CEACAM1: variants seen among roughly 807,000 people sequenced by gnomAD.
CEACAM1 encodes the protein cell adhesion molecule CEACAM1.
CEACAM1 carries 31 observed loss-of-function variants against 49.1 expected under a neutral mutation model. The ratio of observed to expected loss-of-function variants is 0.63; its 90% CI spans 0.47 to 0.85. The LOEUF is 0.85. Among genes scored for constraint, CEACAM1 ranks in the 40% least tolerant of loss-of-function variants. The probability of loss-of-function intolerance (pLI) is 0.00; values close to 1 mark genes in which losing one functional copy is unlikely to be tolerated. For missense variants in CEACAM1, 570 were observed against 645.3 expected (o/e 0.88, Z 1.26); for synonymous variants, 244 against 247.8 (o/e 0.98, Z 0.14).
chr19:42,516,882 A>AAAAAC, intron 5 of CEACAM1: 1 of 424,420 alleles, frequency 2.4e-6, no homozygotes. Context: ...AGAAAAGCAA[A>AAAAAC]AAAACAAAAC....
intron 5 of CEACAM1, among the ~76,000 whole-genome samples, chr19:42,514,134 CTT>C (rs113780562): frequency 1.2e-4 from 16 of 132,554 alleles, no homozygotes; most frequent in Non-Finnish European, 1.8e-4. Flanking sequence ...TTTTTTCTTT[CTT>C]TTTTTTTTTT....
At position 42,527,365 on chromosome 19, in the gene CEACAM1, C is replaced by T; in HGVS notation, c.100G>A (p.Ala34Thr). 2 of 1,609,782 alleles carry T rather than the reference C, an allele frequency of 1.2e-6. No homozygotes were observed. Among genetic ancestry groups the T allele is most frequent in the Non-Finnish European group, 8.5e-7 (1 of 1,177,502 alleles). ...LLTFWNPPTT[A>T]QLTTESMPFN... ...GGCATGGATTCAGTAGTGAGCTGGG[C>T]AGTGGTGGGCGGGTTCCAGAAGGTT... The change falls in exon 2 of 9, where the codon GCC becomes ACC. Residue 34 changes from alanine to threonine, a missense_variant. Coordinates refer to ENST00000161559, the MANE Select transcript of CEACAM1 (RefSeq NM_001712.5).
At chr19:42,517,423 A>G (rs1025759842) in intron 5 of CEACAM1, among the ~76,000 whole-genome samples, 15 of 152,352 alleles carry the variant, frequency 9.8e-5, no homozygotes, top group Admixed American at 7.8e-4. Context: ...TGAGAATCAT[A>G]TATCTGATAA....
chr19:42,522,745 C>T (rs1191821946), intron 2 of CEACAM1, among the ~76,000 whole-genome samples: 5 of 151,816 alleles, frequency 3.3e-5, no homozygotes, highest in African/African-American at 1.2e-4. Flanking sequence ...GTATTTTAGC[C>T]AGGATGGTCA....
Position 42,521,413 on chromosome 19 carries a change from C to G in CEACAM1, c.812G>C (p.Trp271Ser). 1 of 1,614,164 alleles carries G rather than the reference C, an allele frequency of 6.2e-7. No individual in the cohort carries two copies. Among genetic ancestry groups the G allele is most frequent in the Non-Finnish European group, 8.5e-7 (1 of 1,180,028 alleles). ...AASNPPAQYS[W>S]LINGTFQQST... ...TTGCTGGAATGTTCCATTGATAAGC[C>G]AGGAGTACTGTGCAGGTGGGTTAGA... Residue 271 changes from tryptophan to serine, a missense_variant, in exon 4 of 9, where the codon TGG becomes TCG. Trp to Ser is a radical substitution (Grantham distance 177, BLOSUM62 -3). Coordinates refer to ENST00000161559, the MANE Select transcript of CEACAM1 (RefSeq NM_001712.5).
intron 4 of CEACAM1, 101 bp from the exon 5 acceptor site, chr19:42,519,336 G>C: frequency 8.2e-7 from 1 of 1,213,038 alleles, no homozygotes; most frequent in Non-Finnish European, 1.2e-6. Flanking sequence ...CCAGCTCTCA[G>C]GTCCCACAGT....
At position 42,521,381 on chromosome 19, in the gene CEACAM1, G is replaced by T; in HGVS notation, c.844C>A (p.Gln282Lys). 6 of 1,614,242 alleles carry T rather than the reference G, an allele frequency of 3.7e-6. No individual in the cohort carries two copies. The highest frequency in any genetic ancestry group is 5.1e-6 in the Non-Finnish European group (6 of 1,180,040). ...GTGATGTTAGGGATAAAGAGCTCTT[G>T]TGTGCTTTGCTGGAATGTTCCATTG... Reference protein sequence around the residue: ...LINGTFQQSTQELFIPNITVN... With the variant: ...LINGTFQQSTKELFIPNITVN... The change falls in exon 4 of 9, where the codon CAA (glutamine) becomes AAA (lysine). Residue 282 changes from glutamine (Q) to lysine (K), a missense_variant. Gln to Lys is a moderately conservative substitution (Grantham distance 53). Coordinates refer to ENST00000161559, the MANE Select transcript of CEACAM1 (RefSeq NM_001712.5).
Position 42,528,314 on chromosome 19 carries a change from T to A in CEACAM1, c.61A>T (p.Thr21Ser). The change falls in exon 1 of 9, where the codon ACA becomes TCA. Residue 21 changes from threonine to serine, a missense_variant. Transcript: ENST00000161559. The part of the protein sequence containing the change: ...VRVPWQGLLL[T>S]ASLLTFWNPP... ...TCCCAGGGTGTCCTCCCCTCACCTGTGAGCAGAAGCCCCTGCCAGGGTACA... is the reference window on the plus strand; with the variant it reads ...TCCCAGGGTGTCCTCCCCTCACCTGAGAGCAGAAGCCCCTGCCAGGGTACA... The A allele has an allele frequency of 6.2e-7, 1 of 1,613,620 alleles. No homozygotes were observed.
At position 42,509,033 on chromosome 19, in the gene CEACAM1, G is replaced by A; in HGVS notation, c.*76C>T. On this transcript the variant is annotated 3_prime_UTR_variant, in exon 9 of 9. Transcript: ENST00000161559. ...CTGTCCCCACCCCTCTACCCCTACAGGGGAAAGGAATCTCCTAGTGATGAG... is the reference window on the plus strand; with the variant it reads ...CTGTCCCCACCCCTCTACCCCTACAAGGGAAAGGAATCTCCTAGTGATGAG... The A allele has an allele frequency of 1.9e-6, 3 of 1,587,602 alleles. No individual in the cohort carries two copies. Among genetic ancestry groups the A allele is most frequent in the Non-Finnish European group, 2.6e-6 (3 of 1,158,640 alleles).
rs1400632584 is a variant in CEACAM1, at chr19:42,508,378, T to TA, written c.*730dup. 6.6e-6 allele frequency: 1 copy of TA among 152,366 alleles called. No individual in the cohort carries two copies. The highest frequency in any genetic ancestry group is 2.4e-5 in the African/African-American group (1 of 41,442). The allele number at this position is 152,366 out of a possible 1,614,324, so 9.4% of individuals were successfully genotyped here. A position where few individuals can be genotyped will look rare whatever the true frequency, so the allele number is the denominator to read the frequency against. On this transcript the variant is annotated 3_prime_UTR_variant, in exon 9 of 9. Coordinates refer to ENST00000161559, the MANE Select transcript of CEACAM1 (RefSeq NM_001712.5). Reference sequence around the variant, plus strand: ...CTGCCTTGAACAGAGCCCATAAAGATATTAAAACATATATGTGCTTTTGCA... The same window carrying TA: ...CTGCCTTGAACAGAGCCCATAAAGATAATTAAAACATATATGTGCTTTTGCA...
At chr19:42,511,698 A>G (rs2041461029) in intron 6 of CEACAM1, 70 bp from the exon 7 acceptor site, 11 of 1,469,240 alleles carry the variant, frequency 7.5e-6, no homozygotes, top group Non-Finnish European at 1.0e-5. Context: ...GTTAGGAAGG[A>G]CACTGTGAGC....
rs118098829 is a variant in CEACAM1, at chr19:42,510,500, G to C, written c.1461+389C>G. 6.6e-4 allele frequency among the ~76,000 whole-genome samples: 101 copies of C among 152,362 alleles called. 1 individual carries two copies. The highest frequency in any genetic ancestry group is 1.1e-3 in the Non-Finnish European group (78 of 68,032). On this transcript the variant is annotated intron_variant, in intron 8 of 8. Transcript: ENST00000161559. ...GATCAGACTGAAGGTAGGGGAGTGA[G>C]AATGATTCAGTGCCTTCCTTTTTTA...
intron 2 of CEACAM1, 141 bp from the exon 3 acceptor site, chr19:42,522,343 C>G (rs188836813): frequency 7.1e-7 from 1 of 1,401,392 alleles, no homozygotes; most frequent in East Asian, 2.4e-5. Context: ...GGCACGATCT[C>G]GGCTCACTGC....
chr19:42,521,132 G>C, intron 4 of CEACAM1, 135 bp downstream of exon 4: 3 of 906,016 alleles, frequency 3.3e-6, no homozygotes, highest in Non-Finnish European at 5.2e-6. Context: ...GAATTGAGAG[G>C]GTTCAGGGGA....
intron 5 of CEACAM1, among the ~76,000 whole-genome samples, chr19:42,516,090 T>C (rs1006305963): frequency 1.7e-4 from 26 of 152,204 alleles, no homozygotes; most frequent in African/African-American, 6.3e-4. Context: ...TGGTGAAAGA[T>C]TGAAAACTTT....
At chr19:42,525,668 C>T (rs1408080200) in intron 2 of CEACAM1, 1 of 152,232 alleles carries the variant, frequency 6.6e-6, no homozygotes, top group Non-Finnish European at 1.5e-5. Flanking sequence ...AGGAACTGAA[C>T]CAACTCTGGT....
At chr19:42,509,441 G>T (rs142786390) in intron 8 of CEACAM1, among the ~76,000 whole-genome samples, 1 of 152,186 alleles carries the variant, frequency 6.6e-6, no homozygotes, top group Non-Finnish European at 1.5e-5. Context: ...ATAGGATAAT[G>T]CAGCAATGAG....
At position 42,527,286 on chromosome 19, in the gene CEACAM1, T is replaced by C; in HGVS notation, c.179A>G (p.Gln60Arg). 1 of 1,614,078 alleles carries C rather than the reference T, an allele frequency of 6.2e-7. No individual in the cohort carries two copies. Among genetic ancestry groups the C allele is most frequent in the Admixed American group, 1.7e-5 (1 of 60,020 alleles). Residue 60 changes from glutamine to arginine, a missense_variant, in exon 2 of 9, where the codon CAG (glutamine) becomes CGG (arginine). By Grantham distance (43) the Gln-to-Arg change is conservative. Coordinates refer to ENST00000161559, the MANE Select transcript of CEACAM1 (RefSeq NM_001712.5). ...EVLLLVHNLPQQLFGYSWYKG... is the reference protein window; with the variant it reads ...EVLLLVHNLPRQLFGYSWYKG... ...GTACCAGCTGTAGCCAAAAAGTTGC[T>C]GGGGCAGATTGTGGACAAGGAGAAG...
At chr19:42,516,097 C>T (rs2147781886) in intron 5 of CEACAM1, among the ~76,000 whole-genome samples, 1 of 152,194 alleles carries the variant, frequency 6.6e-6, no homozygotes, top group African/African-American at 2.4e-5. Context: ...AGATTGAAAA[C>T]TTTTCCTTTA....
Sources: gnomAD v4.1 joint callset for allele counts (sites outside exome capture counted in the v4.1 genomes callset) on GRCh38, gnomAD v4.1.1 for gene constraint, MANE v1.5 for transcripts, NCBI Gene and HGNC (gene_info 2026-07-23, HGNC 2026-07-21) for gene names.